The following ACTR3C variants were observed in gnomAD, a reference collection of about 807,000 sequenced individuals.
ACTR3C encodes the protein actin-related protein 3C.
ACTR3C carries 18 observed loss-of-function variants against 26.3 expected under a neutral mutation model. The ratio of observed to expected loss-of-function variants is 0.68; its 90% CI spans 0.47 to 1.01. The LOEUF is 1.01. Ranked by LOEUF, ACTR3C falls within the 50% of genes least tolerant of loss-of-function variation. ACTR3C has a pLI of 0.00. For missense variants in ACTR3C, 184 were observed against 250.7 expected (o/e 0.73, Z 1.80); for synonymous variants, 55 against 94.5 (o/e 0.58, Z 2.42).
the ACTR3C span, among the ~76,000 whole-genome samples, chr7:149,927,724 G>T: frequency 0.036 from 5,376 of 149,856 alleles, 327 homozygotes; most frequent in African/African-American, 0.12. Context: ...GCAAAACTCT[G>T]TCTCCGAAAG....
At chr7:150,079,131 G>A in the ACTR3C span, among the ~76,000 whole-genome samples, 1 of 152,148 alleles carries the variant, frequency 6.6e-6, no homozygotes, top group Non-Finnish European at 1.5e-5. Context: ...ATTGTAGGCT[G>A]GAAAGGATTC....
the ACTR3C span, among the ~76,000 whole-genome samples, chr7:149,888,849 A>C: frequency 6.6e-6 from 1 of 152,084 alleles, no homozygotes; most frequent in Non-Finnish European, 1.5e-5. Context: ...CTCTACTAAA[A>C]ATACAAAAAG....
the ACTR3C span, among the ~76,000 whole-genome samples, chr7:150,151,277 A>G: frequency 1.5e-5 from 2 of 137,540 alleles, 1 homozygote; most frequent in Non-Finnish European, 3.2e-5. Flanking sequence ...TGTGGTGAGA[A>G]TATTAATTTA....
intron 6 of ACTR3C, among the ~76,000 whole-genome samples, chr7:150,250,756 T>A (rs1584828961): frequency 1.3e-5 from 2 of 151,730 alleles, no homozygotes; most frequent in Non-Finnish European, 2.9e-5. Context: ...CTAATTGAGG[T>A]GAAGAAGACT....
the ACTR3C span, among the ~76,000 whole-genome samples, chr7:149,915,525 T>TTGTTTTTA: frequency 6.6e-6 from 1 of 151,780 alleles, no homozygotes; most frequent in Non-Finnish European, 1.5e-5. Context: ...TTGTTTTTTT[T>TTGTTTTTA]GTTTTTTGTT....
chr7:150,088,951 C>T, the ACTR3C span, among the ~76,000 whole-genome samples: 1 of 152,158 alleles, frequency 6.6e-6, no homozygotes, highest in Non-Finnish European at 1.5e-5. Context: ...TCTTTAAAAA[C>T]TCGCTTTTTT....
the ACTR3C span, among the ~76,000 whole-genome samples, chr7:150,033,688 C>CCCGCTG: frequency 2.0e-5 from 3 of 150,742 alleles, no homozygotes; most frequent in East Asian, 4.0e-4. Context: ...GGTGCCTCCC[C>CCCGCTG]CACTTGCGAT....
the ACTR3C span, among the ~76,000 whole-genome samples, chr7:149,915,102 A>G: frequency 3.3e-5 from 5 of 152,036 alleles, no homozygotes; most frequent in African/African-American, 1.2e-4. Flanking sequence ...CTAGTCTGGA[A>G]CTCCTGGCCT....
chr7:150,250,778 A>G (rs370255367), intron 6 of ACTR3C, among the ~76,000 whole-genome samples: 9,590 of 150,418 alleles, frequency 0.064, 1,077 homozygotes, highest in African/African-American at 0.23. Context: ...CGGGAGAGCA[A>G]GTGGGGTGGA....
the ACTR3C span, among the ~76,000 whole-genome samples, chr7:150,035,991 G>C: frequency 5.2e-5 from 7 of 133,856 alleles, 1 homozygote; most frequent in Non-Finnish European, 8.1e-5. Flanking sequence ...TCCCTGCCTC[G>C]CGGGGGGTGC....
chr7:150,058,016 G>T, the ACTR3C span, among the ~76,000 whole-genome samples: 1 of 152,266 alleles, frequency 6.6e-6, no homozygotes, highest in Middle Eastern at 3.4e-3. Flanking sequence ...AAGTTGACTA[G>T]CCCATACCTT....
At chr7:150,037,535 G>T in the ACTR3C span, among the ~76,000 whole-genome samples, 2 of 58,932 alleles carry the variant, frequency 3.4e-5, 1 homozygote, top group Non-Finnish European at 7.6e-5. Context: ...ACCTTCGCGG[G>T]GGGTGCCTCC....
At chr7:150,163,777 CA>C in the ACTR3C span, among the ~76,000 whole-genome samples, 1 of 152,002 alleles carries the variant, frequency 6.6e-6, no homozygotes, top group African/African-American at 2.4e-5. Flanking sequence ...TGGGCAGGGG[CA>C]GAAAGGGGTG....
the ACTR3C span, among the ~76,000 whole-genome samples, chr7:150,038,830 CCT>C: frequency 2.2e-5 from 3 of 137,462 alleles, no homozygotes; most frequent in Admixed American, 2.1e-4. Context: ...CGATGGGGGT[CCT>C]AAGAGCCAGT....
the ACTR3C span, among the ~76,000 whole-genome samples, chr7:150,044,038 A>T: frequency 6.6e-6 from 1 of 152,178 alleles, no homozygotes; most frequent in African/African-American, 2.4e-5. Flanking sequence ...GTTTTAACCA[A>T]TTTGCTGCTT....
At chr7:149,951,811 T>C in the ACTR3C span, among the ~76,000 whole-genome samples, 1 of 149,786 alleles carries the variant, frequency 6.7e-6, no homozygotes, top group Admixed American at 6.6e-5. Flanking sequence ...TGGCAGATGG[T>C]GTGTAGGCGC....
At chr7:150,234,503 T>G in the ACTR3C span, among the ~76,000 whole-genome samples, 1 of 152,030 alleles carries the variant, frequency 6.6e-6, no homozygotes, top group South Asian at 2.1e-4. Context: ...GGAGGTAAAA[T>G]CCACAACTGT....
chr7:150,125,848 A>T, the ACTR3C span, among the ~76,000 whole-genome samples: 3 of 152,214 alleles, frequency 2.0e-5, no homozygotes, highest in Admixed American at 2.0e-4. Context: ...TTGCTTGGAC[A>T]TGGTCGAAGA....
chr7:149,903,949 C>A, the ACTR3C span, among the ~76,000 whole-genome samples: 1 of 115,682 alleles, frequency 8.6e-6, no homozygotes. Context: ...GAGACAGCGT[C>A]TGGTTCTGCT....
Sources: allele counts gnomAD v4.1 joint callset (sites outside exome capture counted in the v4.1 genomes callset), GRCh38; gene constraint gnomAD v4.1.1; transcripts MANE v1.5; gene names NCBI Gene and HGNC (gene_info 2026-07-23, HGNC 2026-07-21).